SLC35A1: variants seen among roughly 807,000 people sequenced by gnomAD.
SLC35A1 encodes the protein CMP-sialic acid transporter.
Under a neutral mutation model 40.3 loss-of-function variants are expected in SLC35A1, and 21 were observed. That is an observed-to-expected ratio of 0.52 (90% confidence interval 0.37 to 0.75). The LOEUF (loss-of-function observed/expected upper bound fraction) is 0.75, where lower values mean the gene tolerates loss of function less well. SLC35A1 is among the 30% of genes least tolerant of loss of function. SLC35A1 has a pLI of 0.00. For missense variants in SLC35A1, 297 were observed against 382.1 expected (o/e 0.78, Z 1.86); for synonymous variants, 146 against 147.3 (o/e 0.99, Z 0.06).
chr6:87,508,034 G>A (rs1468243327), intron 5 of SLC35A1, among the ~76,000 whole-genome samples: 1 of 152,090 alleles, frequency 6.6e-6, no homozygotes, highest in Non-Finnish European at 1.5e-5. Flanking sequence ...ATATTACAGG[G>A]ATGTGATTAA....
Position 87,511,896 on chromosome 6 carries a change from G to A in SLC35A1, c.*370G>A. 1 of 298,288 alleles carries A rather than the reference G, an allele frequency of 3.4e-6. No individual in the cohort carries two copies. The highest frequency in any genetic ancestry group is 3.3e-5 in the South Asian group (1 of 30,384). 18.5% of individuals were successfully genotyped at this position (298,288 alleles called of 1,614,324 possible). On this transcript the variant is annotated 3_prime_UTR_variant, in exon 8 of 8. Coordinates refer to ENST00000369552, the MANE Select transcript of SLC35A1 (RefSeq NM_006416.5). ...GGGTTAAAGTGCCAAAGCCATTTCT[G>A]TACTAACTGTTCTCTTGTTCCGGTA...
At chr6:87,493,891 G>A (rs1769636407) in intron 2 of SLC35A1, among the ~76,000 whole-genome samples, 1 of 152,116 alleles carries the variant, frequency 6.6e-6, no homozygotes, top group Non-Finnish European at 1.5e-5. Context: ...CACCCTGGAA[G>A]TTTTGGCATG....
In SLC35A1 at chr6:87,473,008, C is replaced by G. The variant is rs1010757540; in HGVS notation, c.5C>G (p.Ala2Gly). The change falls in exon 1 of 8, where the codon GCT (alanine) becomes GGT (glycine). Residue 2 changes from alanine (A) to glycine (G), a missense_variant. Transcript: ENST00000369552. Reference protein sequence around the residue: MAAPRDNVTLLF... With the variant: MGAPRDNVTLLF... ...GCGGGGGGCTGTCGGGGAACCATGG[C>G]TGCCCCGAGAGGTGAGAACTGGGTC... 20 of 690,454 alleles carry G rather than the reference C, an allele frequency of 2.9e-5. No homozygotes were observed. The East Asian group carries it at 6.7e-4, about 23-fold the overall frequency. The allele number at this position is 690,454 out of a possible 1,614,324, so 42.8% of individuals were successfully genotyped here. A position where few individuals can be genotyped will look rare whatever the true frequency, so the allele number is the denominator to read the frequency against.
chr6:87,487,940 A>T (rs1769433286), intron 2 of SLC35A1: 2 of 152,236 alleles, frequency 1.3e-5, no homozygotes, highest in Admixed American at 1.3e-4. Flanking sequence ...CGTACAGTCC[A>T]TGAATAATAA....
intron 2 of SLC35A1, among the ~76,000 whole-genome samples, chr6:87,480,291 T>C (rs911900942): frequency 2.0e-5 from 3 of 152,242 alleles, no homozygotes; most frequent in African/African-American, 7.2e-5. Flanking sequence ...TAGCACAATT[T>C]GTTATTCCAG....
chr6:87,499,406 C>T (rs1055677036), intron 2 of SLC35A1, among the ~76,000 whole-genome samples: 3 of 152,124 alleles, frequency 2.0e-5, no homozygotes, highest in Admixed American at 6.5e-5. Context: ...TTATAAAGCA[C>T]TTCTTTTGGG....
intron 2 of SLC35A1, among the ~76,000 whole-genome samples, chr6:87,479,692 C>T (rs545055373): frequency 6.6e-6 from 1 of 152,290 alleles, no homozygotes; most frequent in East Asian, 1.9e-4. Flanking sequence ...GCAGTTAGTC[C>T]CTAATTGCTC....
chr6:87,477,385 T>A lies in SLC35A1; in HGVS notation c.40T>A (p.Leu14Ile). ...PRDNVTLLFK[L>I]YCLAVMTLMA... ...AGACAATGTCACTTTATTATTCAAGTTATACTGCTTGGCAGTGATGACCCT... is the reference window on the plus strand; with the variant it reads ...AGACAATGTCACTTTATTATTCAAGATATACTGCTTGGCAGTGATGACCCT... Residue 14 changes from leucine (L) to isoleucine (I), a missense_variant, in exon 2 of 8, where the codon TTA becomes ATA. Coordinates refer to ENST00000369552, the MANE Select transcript of SLC35A1 (RefSeq NM_006416.5). The A allele has an allele frequency of 6.2e-7, 1 of 1,613,672 alleles. No homozygotes were observed. The highest frequency in any genetic ancestry group is 8.5e-7 in the Non-Finnish European group (1 of 1,179,920).
Position 87,511,789 on chromosome 6 carries a change from A to AAAG in SLC35A1, c.*264_*266dup, listed in dbSNP as rs1770284879. On this transcript the variant is annotated 3_prime_UTR_variant, in exon 8 of 8. Transcript: ENST00000369552. Reference sequence around the variant, plus strand: ...GTGTGTATATATAATTTGTAAATAAAAAGTATGGAGATGATACGGTGTTAA... The same window carrying AAAG: ...GTGTGTATATATAATTTGTAAATAAAAAGAAGTATGGAGATGATACGGTGTTAA... 1.6e-5 allele frequency: 7 copies of AAAG among 445,812 alleles called. No homozygotes were observed. Among genetic ancestry groups the AAAG allele is most frequent in the South Asian group, 1.3e-4 (6 of 45,852 alleles). The allele number at this position is 445,812 out of a possible 1,614,324, so 27.6% of individuals were successfully genotyped here.
chr6:87,508,544 TAAAG>T lies in SLC35A1; in HGVS notation c.703_706del (p.Glu235LysfsTer36). The T allele has an allele frequency of 6.2e-7, 1 of 1,613,244 alleles. No homozygotes were observed. Among genetic ancestry groups the T allele is most frequent in the Non-Finnish European group, 8.5e-7 (1 of 1,179,578 alleles). ...TCTACTTGTCAGATGGAGCTGAAAT[TAAAG>T]AAAAAGGATTTTTCTATGGTTACAC... On this transcript the variant is annotated frameshift_variant, in exon 6 of 8. Coordinates refer to ENST00000369552, the MANE Select transcript of SLC35A1 (RefSeq NM_006416.5). LOFTEE classifies it high-confidence loss of function.
intron 2 of SLC35A1, among the ~76,000 whole-genome samples, chr6:87,489,831 ATTT>A (rs35994719): frequency 3.5e-5 from 5 of 141,318 alleles, no homozygotes; most frequent in Admixed American, 7.2e-5. Context: ...GCCTGGCCAA[ATTT>A]TTTTTTTTTT....
chr6:87,507,519 A>G (rs1770124437), intron 5 of SLC35A1, among the ~76,000 whole-genome samples: 1 of 152,132 alleles, frequency 6.6e-6, no homozygotes, highest in African/African-American at 2.4e-5. Context: ...CACTGGATAA[A>G]TGCTTCTCCC....
At chr6:87,492,545 A>ATTTTT (rs59459204) in intron 2 of SLC35A1, among the ~76,000 whole-genome samples, 1 of 115,042 alleles carries the variant, frequency 8.7e-6, no homozygotes, top group African/African-American at 3.5e-5. Flanking sequence ...ATTTATCTTG[A>ATTTTT]TTTTTTTTTT....
At position 87,492,672 on chromosome 6, in the gene SLC35A1, C is replaced by T. The variant is rs1384867298; in HGVS notation, c.195-7836C>T. ...AAGCAATTCTCCTGCCTCAGCCTCCCAAGTAGGATTGGGATTACAGGGATG... is the reference window on the plus strand; with the variant it reads ...AAGCAATTCTCCTGCCTCAGCCTCCTAAGTAGGATTGGGATTACAGGGATG... On this transcript the variant is annotated intron_variant, in intron 2 of 7. Transcript: ENST00000369552. 2.0e-5 allele frequency among the ~76,000 whole-genome samples: 3 copies of T among 151,580 alleles called. No homozygotes were observed. The East Asian group carries it at 5.8e-4, about 29-fold the overall frequency.
At chr6:87,510,871 C>CAAA (rs201786030) in intron 7 of SLC35A1, among the ~76,000 whole-genome samples, 3 of 127,170 alleles carry the variant, frequency 2.4e-5, no homozygotes, top group Non-Finnish European at 5.1e-5. Flanking sequence ...AACTCCGTCT[C>CAAA]AAAAAAAAAA....
At chr6:87,487,463 A>G (rs1166004993) in intron 2 of SLC35A1, among the ~76,000 whole-genome samples, 1 of 152,148 alleles carries the variant, frequency 6.6e-6, no homozygotes, top group Non-Finnish European at 1.5e-5. Flanking sequence ...CATTTTTGTC[A>G]ATTAATCAAT....
rs11432150 is a variant in SLC35A1 at position 87,511,812 on chromosome 6, T to TA, written c.*294dup. 9.2e-3 allele frequency: 3,660 copies of TA among 398,358 alleles called. 94 individuals are homozygous for TA. The highest frequency in any genetic ancestry group is 0.064 in the African/African-American group (3,125 of 48,710). 24.7% of individuals were successfully genotyped at this position (398,358 alleles called of 1,614,324 possible). The stretch of plus-strand genomic sequence containing the variant: ...AAAAAGTATGGAGATGATACGGTGT[T>TA]AAAAAAAATCATGGTAAGGCTACAA... On this transcript the variant is annotated 3_prime_UTR_variant, in exon 8 of 8. Transcript: ENST00000369552.
rs531455159 is a variant in SLC35A1 at position 87,501,404 on chromosome 6, A to G, written c.507+94A>G. On this transcript the variant is annotated intron_variant, in intron 4 of 7. Transcript: ENST00000369552. ...TTACATTGATGCATGCAGCATGACTACATTTCTTTGATTTAAAATAACTTT... is the reference window on the plus strand; with the variant it reads ...TTACATTGATGCATGCAGCATGACTGCATTTCTTTGATTTAAAATAACTTT... 7.1e-6 allele frequency: 9 copies of G among 1,265,856 alleles called. No homozygotes were observed. In the African/African-American group the frequency reaches 1.2e-4, roughly 17 times the overall value. The allele number at this position is 1,265,856 out of a possible 1,614,324, so 78.4% of individuals were successfully genotyped here. A position where few individuals can be genotyped will look rare whatever the true frequency, so the allele number is the denominator to read the frequency against.
chr6:87,499,156 AATAG>A, intron 2 of SLC35A1: 1 of 975,822 alleles, frequency 1.0e-6, no homozygotes, highest in Non-Finnish European at 1.2e-6. Context: ...ACAGCAAATA[AATAG>A]GCACAGGTTA....
Sources: allele counts gnomAD v4.1 joint callset (sites outside exome capture counted in the v4.1 genomes callset), GRCh38; gene constraint gnomAD v4.1.1; transcripts MANE v1.5; gene names NCBI Gene and HGNC (gene_info 2026-07-23, HGNC 2026-07-21).